The following IL7 variants were observed in gnomAD, a reference collection of about 807,000 sequenced individuals.
IL7 encodes interleukin 7, also known as interleukin-7.
Under a neutral mutation model 21.6 loss-of-function variants are expected in IL7, and 3 were observed. That is an observed-to-expected ratio of 0.14 (90% CI 0.06 to 0.36). The LOEUF is 0.36. Among genes scored for constraint, IL7 ranks in the 10% least tolerant of loss-of-function variants. IL7 has a pLI of 1.00. For synonymous variants in IL7, 62 were observed against 68.1 expected, an observed-to-expected ratio of 0.91 and a Z score of 0.44; for missense variants, 175 against 200.2, an observed-to-expected ratio of 0.87 and a Z score of 0.76.
chr8:78,729,365 T>C (rs150547288), downstream of IL7, among the ~76,000 whole-genome samples: 274 of 152,114 alleles, frequency 1.8e-3, no homozygotes, highest in African/African-American at 5.9e-3. Context: ...AGTGAATGAA[T>C]TATATGTATT....
intron 3 of IL7, among the ~76,000 whole-genome samples, chr8:78,704,306 C>G (rs201091797): frequency 2.0e-5 from 3 of 148,408 alleles, no homozygotes; most frequent in African/African-American, 5.0e-5. Context: ...GAGAATTGCT[C>G]GAACCCAGGA....
At chr8:78,697,253 T>G (rs536104893) in intron 3 of IL7, among the ~76,000 whole-genome samples, 2 of 152,262 alleles carry the variant, frequency 1.3e-5, no homozygotes, top group Non-Finnish European at 2.9e-5. Flanking sequence ...AATACATTAA[T>G]GATGTGCAAC....
chr8:78,765,575 A>T (rs1178395778), intron 2 of IL7, among the ~76,000 whole-genome samples: 2 of 152,154 alleles, frequency 1.3e-5, no homozygotes, highest in African/African-American at 4.8e-5. Context: ...TAAGCATATG[A>T]AACGTTATTC....
At chr8:78,698,528 G>A (rs1210179197) in intron 3 of IL7, 1 of 1,538,584 alleles carries the variant, frequency 6.5e-7, no homozygotes, top group Non-Finnish European at 8.9e-7. Flanking sequence ...GTCTACACTG[G>A]ATATAATTAT....
intron 4 of IL7, among the ~76,000 whole-genome samples, chr8:78,684,574 TA>T (rs1585990865): frequency 6.6e-6 from 1 of 152,106 alleles, no homozygotes; most frequent in East Asian, 1.9e-4. Context: ...AAAGACTAGA[TA>T]AAATCATCTT....
intron 2 of IL7, among the ~76,000 whole-genome samples, chr8:78,795,945 T>C (rs1005466598): frequency 1.1e-4 from 17 of 152,022 alleles, no homozygotes; most frequent in Admixed American, 1.1e-3. Context: ...GCCACTTCAG[T>C]ATGAGTATGT....
chr8:78,797,855 A>G, intron 2 of IL7: 1 of 388,162 alleles, frequency 2.6e-6, no homozygotes, highest in South Asian at 6.0e-5. Context: ...TGAAATGAAT[A>G]GTTGTGAGAA....
intron 3 of IL7, among the ~76,000 whole-genome samples, chr8:78,705,796 T>C (rs945434810): frequency 6.6e-6 from 1 of 151,890 alleles, no homozygotes. Context: ...GAGGTCCCAG[T>C]TGGGAGGTTC....
chr8:78,782,654 T>C (rs1424729582), intron 2 of IL7, among the ~76,000 whole-genome samples: 1 of 151,998 alleles, frequency 6.6e-6, no homozygotes, highest in African/African-American at 2.4e-5. Context: ...CTATATAAGG[T>C]ATCTGGTGAC....
At chr8:78,684,003 A>G (rs1481884075) in intron 4 of IL7, among the ~76,000 whole-genome samples, 1 of 152,226 alleles carries the variant, frequency 6.6e-6, no homozygotes, top group Non-Finnish European at 1.5e-5. Context: ...TTTGTTGTCC[A>G]TATCACTATT....
In IL7 at chr8:78,798,656, C is replaced by T. The variant is rs183832706; in HGVS notation, c.11-448G>A. ...CTTGATGGTAGTCCATGTCTATTTG[C>T]TTCTTGGAGGCAACACTGTGGGAGG... On this transcript the variant is annotated intron_variant, in intron 1 of 5. Transcript: ENST00000263851. 3.2e-4 allele frequency among the ~76,000 whole-genome samples: 49 copies of T among 152,104 alleles called. No homozygotes were observed. In the East Asian group the frequency reaches 9.5e-3, roughly 29 times the overall value.
At chr8:78,698,267 G>A (rs1337467560) in intron 3 of IL7, 1 of 614,788 alleles carries the variant, frequency 1.6e-6, no homozygotes, top group African/African-American at 1.9e-5. Flanking sequence ...GTCGTCCTCT[G>A]GAAATGCCAT....
intron 5 of IL7, among the ~76,000 whole-genome samples, chr8:78,720,805 A>G (rs1230248437): frequency 1.3e-5 from 2 of 151,966 alleles, no homozygotes; most frequent in African/African-American, 4.8e-5. Flanking sequence ...ATGGATTAGT[A>G]AATACTCCTT....
At chr8:78,694,018 G>T (rs1810311446) in intron 3 of IL7, among the ~76,000 whole-genome samples, 1 of 152,094 alleles carries the variant, frequency 6.6e-6, no homozygotes, top group Non-Finnish European at 1.5e-5. Flanking sequence ...GTTTTTGTCA[G>T]GTTTGTCAAA....
chr8:78,760,204 T>G (rs1287352273), intron 2 of IL7: 36 of 1,578,910 alleles, frequency 2.3e-5, no homozygotes, highest in Non-Finnish European at 3.1e-5. Context: ...GTATAGAGTT[T>G]AATATATGTG....
intron 4 of IL7, 91 bp from the exon 5 acceptor site, chr8:78,736,618 T>C: frequency 1.4e-6 from 1 of 694,654 alleles, no homozygotes; most frequent in African/African-American, 1.8e-5. Context: ...TGCCTTCAGC[T>C]CATCTAATCT....
rs889907928 is a variant in IL7, at chr8:78,675,924, G to C, written n.454C>G. On this transcript the variant is annotated non_coding_transcript_exon_variant, in exon 5 of 5. Transcript: ENST00000523959. ...AGATCTGTAATTGTTCAATAATTCTGGTCAATTCTCATGGGAAGAATTTAC... is the reference window on the plus strand; with the variant it reads ...AGATCTGTAATTGTTCAATAATTCTCGTCAATTCTCATGGGAAGAATTTAC... 18 of 1,440,522 alleles carry C rather than the reference G, an allele frequency of 1.2e-5. No homozygotes were observed. In the African/African-American group the frequency reaches 2.3e-4, roughly 18 times the overall value. 89.2% of individuals were successfully genotyped at this position (1,440,522 alleles called of 1,614,324 possible). A position where few individuals can be genotyped will look rare whatever the true frequency, so the allele number is the denominator to read the frequency against.
chr8:78,797,627 A>G (rs1813904244), intron 2 of IL7, among the ~76,000 whole-genome samples: 1 of 152,064 alleles, frequency 6.6e-6, no homozygotes, highest in Non-Finnish European at 1.5e-5. Flanking sequence ...TTGATTACAC[A>G]TAGATATAAA....
chr8:78,730,249 C>T (rs1811400967), downstream of IL7, among the ~76,000 whole-genome samples: 1 of 151,864 alleles, frequency 6.6e-6, no homozygotes, highest in Non-Finnish European at 1.5e-5. Context: ...AAATCAAACC[C>T]CAGATTATTC....
Sources: gnomAD v4.1 joint callset for allele counts (sites outside exome capture counted in the v4.1 genomes callset) on GRCh38, gnomAD v4.1.1 for gene constraint, MANE v1.5 for transcripts, NCBI Gene and HGNC (gene_info 2026-07-23, HGNC 2026-07-21) for gene names.